The following OR6N2 variants were observed in gnomAD, a reference collection of about 807,000 sequenced individuals.
The protein encoded by OR6N2 is olfactory receptor family 6 subfamily N member 2.
For synonymous variants in OR6N2, 160 were observed against 138.3 expected, an observed-to-expected ratio of 1.16 and a Z score of -1.10; for missense variants, 399 against 379.7, an observed-to-expected ratio of 1.05 and a Z score of -0.42.
rs1657522596 is a variant in OR6N2 at position 158,774,259 on chromosome 1, T to C, written c.*2423A>G. 2 of 152,296 alleles carry C rather than the reference T, an allele frequency of 1.3e-5. No homozygotes were observed. Among genetic ancestry groups the C allele is most frequent in the South Asian group, 4.1e-4 (2 of 4,830 alleles). 9.4% of individuals were successfully genotyped at this position (152,296 alleles called of 1,614,324 possible). Reference sequence around the variant, plus strand: ...GTGTTTATTTTACAAAAATATATGATAAAATAGTGCGGATGACAGCAGGGA... The same window carrying C: ...GTGTTTATTTTACAAAAATATATGACAAAATAGTGCGGATGACAGCAGGGA... On this transcript the variant is annotated 3_prime_UTR_variant, in exon 2 of 2. Transcript: ENST00000641131.
chr1:158,777,887 G>A (rs1359538911), intron 1 of OR6N2, among the ~76,000 whole-genome samples: 1 of 152,152 alleles, frequency 6.6e-6, no homozygotes, highest in African/African-American at 2.4e-5. Flanking sequence ...AATGAGATAA[G>A]CACCATTGTT....
chr1:158,776,362 T>G lies in OR6N2; in HGVS notation c.*320A>C. ...TGGATATGAAGTAAAGAAGAGGAAA[T>G]ATGGTGTGTTGAGAAGTTTGATTGG... On this transcript the variant is annotated 3_prime_UTR_variant, in exon 2 of 2. Transcript: ENST00000641131. 5.1e-6 allele frequency: 1 copy of G among 196,712 alleles called. No homozygotes were observed. The highest frequency in any genetic ancestry group is 1.0e-5 in the Non-Finnish European group (1 of 98,134). The allele number at this position is 196,712 out of a possible 1,614,324, so 12.2% of individuals were successfully genotyped here.
rs201820210 is a variant in OR6N2, at chr1:158,777,007, G to T, written c.629C>A (p.Thr210Asn). 1.3e-4 allele frequency: 209 copies of T among 1,614,026 alleles called. 1 individual carries two copies. The highest frequency in any genetic ancestry group is 6.7e-5 in the East Asian group (3 of 44,896). ...FAINAFIILITFFFIMISYAR... is the reference protein window; with the variant it reads ...FAINAFIILINFFFIMISYAR... ...ATAAGAAATCATGATAAAGAAGAAA[G>T]TGATAAGAATTATGAAAGCATTAAT... Residue 210 changes from threonine (T) to asparagine (N), a missense_variant, in exon 2 of 2, where the codon ACT becomes AAT. By Grantham distance (65) the Thr-to-Asn change is moderately conservative. Coordinates refer to ENST00000641131, the MANE Select transcript of OR6N2 (RefSeq NM_001005278.2).
chr1:158,777,560 A>G lies in OR6N2; in HGVS notation c.76T>C (p.Trp26Arg). The part of the protein sequence containing the change: ...GFASVGYVRG[W>R]LFVLLLLAYL... ...GCCAATAGCAGCAGGACAAAAAGCC[A>G]GCCCCTGACATAGCCCACACTGGCA... is the stretch of plus-strand genomic sequence containing the variant. The change falls in exon 2 of 2, where the codon TGG (tryptophan) becomes CGG (arginine). Residue 26 changes from tryptophan to arginine, a missense_variant. Transcript: ENST00000641131. 1.2e-6 allele frequency: 2 copies of G among 1,614,146 alleles called. No homozygotes were observed. The highest frequency in any genetic ancestry group is 1.7e-6 in the Non-Finnish European group (2 of 1,180,034).
Position 158,774,425 on chromosome 1 carries a change from G to A in OR6N2, c.*2257C>T, listed in dbSNP as rs1470902911. On this transcript the variant is annotated 3_prime_UTR_variant, in exon 2 of 2. Transcript: ENST00000641131. ...GCAGCAATGAGAAACAGAAGCCTGG[G>A]GTTCATCACAAGCCCATTCCCACAG... 3 of 151,996 alleles carry A rather than the reference G, an allele frequency of 2.0e-5. No homozygotes were observed. Among genetic ancestry groups the A allele is most frequent in the Non-Finnish European group, 4.4e-5 (3 of 68,004 alleles). 9.4% of individuals were successfully genotyped at this position (151,996 alleles called of 1,614,324 possible).
At chr1:158,780,151 C>A (rs1023752406) in intron 1 of OR6N2, among the ~76,000 whole-genome samples, 6 of 152,154 alleles carry the variant, frequency 3.9e-5, no homozygotes, top group African/African-American at 1.2e-4. Context: ...TTCCCTAATC[C>A]TGTTGAAAGA....
rs1435087659 is a variant in OR6N2 at position 158,775,404 on chromosome 1, A to C, written c.*1278T>G. 6 of 152,204 alleles carry C rather than the reference A, an allele frequency of 3.9e-5. No individual in the cohort carries two copies. The highest frequency in any genetic ancestry group is 1.5e-5 in the Non-Finnish European group (1 of 68,022). 9.4% of individuals were successfully genotyped at this position (152,204 alleles called of 1,614,324 possible). A position where few individuals can be genotyped will look rare whatever the true frequency, so the allele number is the denominator to read the frequency against. ...GAAAGAGTAATCATGTAGCTAGGAA[A>C]GAGGGAGCTGAGGGAGTAGAGGTAT... On this transcript the variant is annotated 3_prime_UTR_variant, in exon 2 of 2. Coordinates refer to ENST00000641131, the MANE Select transcript of OR6N2 (RefSeq NM_001005278.2).
intron 1 of OR6N2, among the ~76,000 whole-genome samples, chr1:158,778,891 A>C (rs1657675677): frequency 6.6e-6 from 1 of 151,824 alleles, no homozygotes; most frequent in Admixed American, 6.6e-5. Flanking sequence ...GGTGGCGGGC[A>C]CCTGCAGTTC....
intron 1 of OR6N2, 35 bp from the exon 2 acceptor site, chr1:158,777,676 T>G: frequency 7.6e-7 from 1 of 1,308,488 alleles, no homozygotes; most frequent in Non-Finnish European, 1.1e-6. Flanking sequence ...AACATTGGAT[T>G]GAGATGACTG....
intron 1 of OR6N2, among the ~76,000 whole-genome samples, chr1:158,779,294 A>C (rs1657690520): frequency 8.1e-6 from 1 of 123,542 alleles, no homozygotes; most frequent in Admixed American, 7.9e-5. Context: ...TGTGTAGATC[A>C]TACTGCAATT....
In OR6N2 at chr1:158,775,586, T is replaced by G. The variant is rs1366657356; in HGVS notation, c.*1096A>C. 1 of 152,188 alleles carries G rather than the reference T, an allele frequency of 6.6e-6. No individual in the cohort carries two copies. Among genetic ancestry groups the G allele is most frequent in the African/African-American group, 2.4e-5 (1 of 41,434 alleles). The allele number at this position is 152,188 out of a possible 1,614,324, so 9.4% of individuals were successfully genotyped here. A position where few individuals can be genotyped will look rare whatever the true frequency, so the allele number is the denominator to read the frequency against. On this transcript the variant is annotated 3_prime_UTR_variant, in exon 2 of 2. Coordinates refer to ENST00000641131, the MANE Select transcript of OR6N2 (RefSeq NM_001005278.2). ...GATTTCAAATACATTACTTTATATT[T>G]TATGTGGAAAATATATTAGAATAGA...
chr1:158,779,499 A>T (rs1657695678), intron 1 of OR6N2, among the ~76,000 whole-genome samples: 1 of 152,244 alleles, frequency 6.6e-6, no homozygotes, highest in African/African-American at 2.4e-5. Context: ...CCACTCAGCC[A>T]ATGCCGAACA....
chr1:158,777,041 C>T lies in OR6N2; in HGVS notation c.595G>A (p.Asp199Asn), dbSNP rs750218253. Residue 199 changes from aspartate (D) to asparagine (N), a missense_variant, in exon 2 of 2, where the codon GAC becomes AAC. Physicochemically the swap from Asp to Asn is conservative, Grantham distance 23 (BLOSUM62 1). Coordinates refer to ENST00000641131, the MANE Select transcript of OR6N2 (RefSeq NM_001005278.2). ...ATTATGAAAGCATTAATGGCAAAGT[C>T]CACCAGAATGTTAGCAGATGTGTCC... ...CKDTSANILV[D>N]FAINAFIILI... The T allele has an allele frequency of 6.2e-7, 1 of 1,614,042 alleles. No homozygotes were observed. Among genetic ancestry groups the T allele is most frequent in the African/African-American group, 1.3e-5 (1 of 75,010 alleles).
At chr1:158,778,267 T>C (rs527867395) in intron 1 of OR6N2, among the ~76,000 whole-genome samples, 62 of 152,218 alleles carry the variant, frequency 4.1e-4, no homozygotes, top group African/African-American at 1.4e-3. Flanking sequence ...GAAGCAGACA[T>C]CTCAATAGGA....
At position 158,775,974 on chromosome 1, in the gene OR6N2, A is replaced by G. The variant is rs1046045120; in HGVS notation, c.*708T>C. 6.6e-6 allele frequency: 1 copy of G among 152,236 alleles called. No homozygotes were observed. The highest frequency in any genetic ancestry group is 2.4e-5 in the African/African-American group (1 of 41,458). 9.4% of individuals were successfully genotyped at this position (152,236 alleles called of 1,614,324 possible). On this transcript the variant is annotated 3_prime_UTR_variant, in exon 2 of 2. Transcript: ENST00000641131. The stretch of plus-strand genomic sequence containing the variant: ...AGTTGAATATATAAATCTAAATCTC[A>G]GAGAAAAATTGTGGTTTGGAGATAA...
At chr1:158,779,018 C>CA (rs10680954) in intron 1 of OR6N2, among the ~76,000 whole-genome samples, 6,054 of 86,396 alleles carry the variant, frequency 0.07, 509 homozygotes, top group African/African-American at 0.19. Flanking sequence ...GACTGCGTCT[C>CA]AAAAAAAAAA....
chr1:158,776,945 C>T lies in OR6N2; in HGVS notation c.691G>A (p.Ala231Thr). ...GAAAAGGCCTTCTTTCTTCCTGATG[C>T]TGTTTTTATCTTCAGCACAGCCCCA... ...IIGAVLKIKT[A>T]SGRKKAFSTC... The change falls in exon 2 of 2, where the codon GCA becomes ACA. Residue 231 changes from alanine to threonine, a missense_variant. By Grantham distance (58) the Ala-to-Thr change is moderately conservative. Coordinates refer to ENST00000641131, the MANE Select transcript of OR6N2 (RefSeq NM_001005278.2). The T allele has an allele frequency of 2.5e-6, 4 of 1,614,006 alleles. No individual in the cohort carries two copies. Among genetic ancestry groups the T allele is most frequent in the South Asian group, 2.2e-5 (2 of 91,052 alleles).
chr1:158,776,736 A>G lies in OR6N2; in HGVS notation c.900T>C (p.Ala300=), dbSNP rs748431422. The change falls in exon 2 of 2, where the codon GCT becomes GCC. Residue 300 remains alanine, a synonymous_variant. Transcript: ENST00000641131. ...YSLRNKEIIK[A]IKRTIFQKGD... ...CCTTCTGGAAGATGGTCCTCTTGAT[A>G]GCTTTAATGATTTCCTTGTTACGAA... is the stretch of plus-strand genomic sequence containing the variant. The G allele has an allele frequency of 1.2e-6, 2 of 1,613,594 alleles. No individual in the cohort carries two copies.
At chr1:158,780,908 T>C (rs1657737192) in intron 1 of OR6N2, among the ~76,000 whole-genome samples, 2 of 152,176 alleles carry the variant, frequency 1.3e-5, no homozygotes, top group South Asian at 4.1e-4. Flanking sequence ...TAAAAGCAAA[T>C]GTTTGCTAAT....
Sources: allele counts gnomAD v4.1 joint callset (sites outside exome capture counted in the v4.1 genomes callset), GRCh38; gene constraint gnomAD v4.1.1; transcripts MANE v1.5; gene names NCBI Gene and HGNC (gene_info 2026-07-23, HGNC 2026-07-21).